The following PADI2 variants were observed in gnomAD, a reference collection of about 807,000 sequenced individuals.
The protein encoded by PADI2 is peptidyl arginine deiminase 2.
In PADI2, 70 loss-of-function variants were observed where a neutral mutation model predicts 81.1. That is an observed-to-expected ratio of 0.86 (90% CI 0.71 to 1.05). PADI2 has a LOEUF of 1.05. PADI2 is among the 50% of genes least tolerant of loss of function. The pLI is 0.00. For missense variants in PADI2, 853 were observed against 889.9 expected (o/e 0.96, Z 0.53); for synonymous variants, 338 against 358.0 (o/e 0.94, Z 0.63).
At chr1:17,113,190 C>T (rs569127585) in intron 1 of PADI2, among the ~76,000 whole-genome samples, 1 of 152,232 alleles carries the variant, frequency 6.6e-6, no homozygotes, top group African/African-American at 2.4e-5. Context: ...GATCAGGTCT[C>T]ATTATTACTT....
At chr1:17,103,816 A>AG (rs1931237672) in intron 2 of PADI2, among the ~76,000 whole-genome samples, 1 of 148,310 alleles carries the variant, frequency 6.7e-6, no homozygotes, top group Admixed American at 6.7e-5. Context: ...CCTGTCTCTA[A>AG]AAAAAAAAAA....
At chr1:17,098,299 C>T (rs776698165) in intron 3 of PADI2, among the ~76,000 whole-genome samples, 6 of 152,192 alleles carry the variant, frequency 3.9e-5, no homozygotes, top group Non-Finnish European at 5.9e-5. Flanking sequence ...GGTAGCCCTG[C>T]GGCCTTCGTC....
Position 17,116,537 on chromosome 1 carries a change from G to C in PADI2, c.92+2743C>G, listed in dbSNP as rs551811390. Reference sequence around the variant, plus strand: ...GGAGGGCCAAATGGGAGTTGGTGAAGTCTCTGGGGACAGTGGGCTCGTGGC... The same window carrying C: ...GGAGGGCCAAATGGGAGTTGGTGAACTCTCTGGGGACAGTGGGCTCGTGGC... On this transcript the variant is annotated intron_variant, in intron 1 of 15. Transcript: ENST00000375486. Among the ~76,000 whole-genome samples, 6 of 152,306 alleles carry C rather than the reference G, an allele frequency of 3.9e-5. 1 individual carries two copies. The highest frequency in any genetic ancestry group is 3.4e-3 in the Middle Eastern group (1 of 294).
In PADI2 at chr1:17,068,838, A is replaced by C; in HGVS notation, c.*206T>G. ...ACTGGCCCAGCTATTTTCAGCAGGG[A>C]CAGAGTCGAGGCTCACTGGGGATGG... On this transcript the variant is annotated 3_prime_UTR_variant, in exon 16 of 16. Transcript: ENST00000375486. 1 of 594,696 alleles carries C rather than the reference A, an allele frequency of 1.7e-6. No individual in the cohort carries two copies. The highest frequency in any genetic ancestry group is 3.0e-6 in the Non-Finnish European group (1 of 333,458). 36.8% of individuals were successfully genotyped at this position (594,696 alleles called of 1,614,324 possible). A position where few individuals can be genotyped will look rare whatever the true frequency, so the allele number is the denominator to read the frequency against.
rs145518490 is a variant in PADI2 at position 17,083,736 on chromosome 1, C to T, written c.1040G>A (p.Arg347His). The stretch of plus-strand genomic sequence containing the variant: ...ACCTGGGCTCCTTACCTGGATCCAG[C>T]GATCGCCTCGGTTTAGGTACTGGAA... ...VCFQYLNRGD[R>H]WIQDEIEFGY... is the part of the protein sequence containing the mutation. The change falls in exon 9 of 16, where the codon CGC becomes CAC. Residue 347 changes from arginine to histidine, a missense_variant. Arg to His is a conservative substitution (Grantham distance 29). Coordinates refer to ENST00000375486, the MANE Select transcript of PADI2 (RefSeq NM_007365.3). 1.5e-5 allele frequency: 24 copies of T among 1,609,914 alleles called. No individual in the cohort carries two copies. Among genetic ancestry groups the T allele is most frequent in the Middle Eastern group, 1.7e-4 (1 of 6,054 alleles).
intron 7 of PADI2, among the ~76,000 whole-genome samples, chr1:17,084,963 G>T (rs531968957): frequency 6.6e-6 from 1 of 152,342 alleles, no homozygotes; most frequent in South Asian, 2.1e-4. Context: ...AGGTCACATG[G>T]TTGGTAAGTG....
At chr1:17,072,289 A>G (rs2078269529) in intron 13 of PADI2, among the ~76,000 whole-genome samples, 1 of 152,206 alleles carries the variant, frequency 6.6e-6, no homozygotes, top group South Asian at 2.1e-4. Flanking sequence ...TTATAACTGG[A>G]CAGCAGTAAA....
At chr1:17,106,214 A>G (rs1252205658) in intron 1 of PADI2, among the ~76,000 whole-genome samples, 1 of 152,144 alleles carries the variant, frequency 6.6e-6, no homozygotes, top group Non-Finnish European at 1.5e-5. Flanking sequence ...GTGGTTTTCC[A>G]TTGCAAAGCA....
At position 17,119,162 on chromosome 1, in the gene PADI2, G is replaced by T. The variant is rs1022408926; in HGVS notation, c.92+118C>A. The T allele has an allele frequency of 3.0e-6, 2 of 663,118 alleles. No individual in the cohort carries two copies. Among genetic ancestry groups the T allele is most frequent in the Non-Finnish European group, 5.0e-6 (2 of 403,562 alleles). The allele number at this position is 663,118 out of a possible 1,614,324, so 41.1% of individuals were successfully genotyped here. ...ATTCTTAGGATTTCTGGGCTCGGGG[G>T]CTCGGGATGAGGGACAACTCGGGCT... On this transcript the variant is annotated intron_variant, in intron 1 of 15. Transcript: ENST00000375486. The surrounding 1 kb of genome is among the most constrained non-coding windows in gnomAD (Gnocchi z 4.8).
At chr1:17,116,763 C>G (rs1931773528) in intron 1 of PADI2, among the ~76,000 whole-genome samples, 1 of 152,178 alleles carries the variant, frequency 6.6e-6, no homozygotes, top group South Asian at 2.1e-4. Flanking sequence ...TCAATGAACC[C>G]TCCAGGGTCT....
At chr1:17,075,312 G>A (rs1239899919) in intron 12 of PADI2, 1 of 310,590 alleles carries the variant, frequency 3.2e-6, no homozygotes, top group South Asian at 5.0e-5. Flanking sequence ...TCTCTCTAGA[G>A]CATTACCACC....
Position 17,095,972 on chromosome 1 carries a change from T to C in PADI2, c.350-2A>G, listed in dbSNP as rs1348012088. ...CTGCGTCCACATCCAGGGAGATCTCTGGGGAGAAGAGACATGGGTGAGTTG... is the reference window on the plus strand; with the variant it reads ...CTGCGTCCACATCCAGGGAGATCTCCGGGGAGAAGAGACATGGGTGAGTTG... On this transcript the variant is annotated splice_acceptor_variant, in intron 3 of 15. Transcript: ENST00000375486. LOFTEE classifies it high-confidence loss of function. 1 of 1,600,596 alleles carries C rather than the reference T, an allele frequency of 6.2e-7. No individual in the cohort carries two copies. The highest frequency in any genetic ancestry group is 1.3e-5 in the African/African-American group (1 of 74,738).
Position 17,093,659 on chromosome 1 carries a change from C to T in PADI2, c.437G>A (p.Gly146Asp). ...GTTCACCAGCAGGATGGCCCCCTGG[C>T]CCTCGGGGCCCCAGGTCCAGGATGC... ...KKASWTWGPEGQGAILLVNCD... is the reference protein window; with the variant it reads ...KKASWTWGPEDQGAILLVNCD... The change falls in exon 5 of 16, where the codon GGC (glycine) becomes GAC (aspartate). Residue 146 changes from glycine to aspartate, a missense_variant. Coordinates refer to ENST00000375486, the MANE Select transcript of PADI2 (RefSeq NM_007365.3). The T allele has an allele frequency of 1.9e-6, 3 of 1,613,612 alleles. No individual in the cohort carries two copies. Among genetic ancestry groups the T allele is most frequent in the Non-Finnish European group, 1.7e-6 (2 of 1,179,592 alleles).
intron 9 of PADI2, 148 bp from the exon 10 acceptor site, chr1:17,082,800 A>G (rs866745506): frequency 1.7e-6 from 1 of 587,326 alleles, no homozygotes; most frequent in Middle Eastern, 2.8e-4. Context: ...CTCCCCTCAC[A>G]CTGATGATGG....
intron 12 of PADI2, 70 bp from the exon 13 acceptor site, chr1:17,075,019 C>T (rs771341829): frequency 2.3e-4 from 220 of 941,954 alleles, no homozygotes; most frequent in Non-Finnish European, 3.2e-4. Flanking sequence ...GGAGGCCCTG[C>T]GCTGAGGACC....
At chr1:17,096,721 A>C (rs192137465) in intron 3 of PADI2, among the ~76,000 whole-genome samples, 124 of 152,320 alleles carry the variant, frequency 8.1e-4, no homozygotes, top group African/African-American at 2.8e-3. Flanking sequence ...AGTATCAGAC[A>C]AGGTGGGGTT....
At position 17,119,173 on chromosome 1, in the gene PADI2, G is replaced by T; in HGVS notation, c.92+107C>A. On this transcript the variant is annotated intron_variant, in intron 1 of 15. Transcript: ENST00000375486. The surrounding 1 kb of genome is among the most constrained non-coding windows in gnomAD (Gnocchi z 4.8). The stretch of plus-strand genomic sequence containing the variant: ...TTCTGGGCTCGGGGGCTCGGGATGA[G>T]GGACAACTCGGGCTGGACAAAGGCT... 1.3e-6 allele frequency: 1 copy of T among 752,736 alleles called. No individual in the cohort carries two copies. The highest frequency in any genetic ancestry group is 2.1e-6 in the Non-Finnish European group (1 of 478,348). 46.6% of individuals were successfully genotyped at this position (752,736 alleles called of 1,614,324 possible).
In PADI2 at chr1:17,105,130, G is replaced by C. The variant is rs1205368735; in HGVS notation, c.93-69C>G. 5 of 1,133,082 alleles carry C rather than the reference G, an allele frequency of 4.4e-6. No individual in the cohort carries two copies. The Admixed American group carries it at 1.3e-4, about 30-fold the overall frequency. 70.2% of individuals were successfully genotyped at this position (1,133,082 alleles called of 1,614,324 possible). On this transcript the variant is annotated intron_variant, in intron 1 of 15. Coordinates refer to ENST00000375486, the MANE Select transcript of PADI2 (RefSeq NM_007365.3). ...GGTGGGATGAGGGGCTTCAAGAGGA[G>C]ACTCCTGCTTCCAGCACTTTGGGAG...
rs779299421 is a variant in PADI2 at position 17,095,985 on chromosome 1, C to T, written c.350-15G>A. Reference sequence around the variant, plus strand: ...CAGGGAGATCTCTGGGGAGAAGAGACATGGGTGAGTTGCTGAGCCTGCCAG... The same window carrying T: ...CAGGGAGATCTCTGGGGAGAAGAGATATGGGTGAGTTGCTGAGCCTGCCAG... On this transcript the variant is annotated splice_polypyrimidine_tract_variant and intron_variant, in intron 3 of 15. Coordinates refer to ENST00000375486, the MANE Select transcript of PADI2 (RefSeq NM_007365.3). 5.0e-6 allele frequency: 8 copies of T among 1,597,782 alleles called. No homozygotes were observed. Among genetic ancestry groups the T allele is most frequent in the Non-Finnish European group, 6.8e-6 (8 of 1,171,468 alleles).
Sources: allele counts gnomAD v4.1 joint callset (sites outside exome capture counted in the v4.1 genomes callset), GRCh38; gene constraint gnomAD v4.1.1; non-coding constraint Gnocchi (gnomAD v3.1); transcripts MANE v1.5; gene names NCBI Gene and HGNC (gene_info 2026-07-23, HGNC 2026-07-21).